The following TRMO variants were observed in gnomAD, a reference collection of about 807,000 sequenced individuals.
TRMO encodes the protein tRNA methyltransferase O.
In TRMO, 30 loss-of-function variants were observed where a neutral mutation model predicts 37.2. The ratio of observed to expected loss-of-function variants is 0.81; its 90% CI spans 0.60 to 1.09. The LOEUF is 1.09. Ranked by LOEUF, TRMO falls within the 50% of genes least tolerant of loss-of-function variation. The pLI, the probability that TRMO is intolerant of heterozygous loss-of-function variation, is 0.00. For missense variants in TRMO, 552 were observed against 549.5 expected (o/e 1.00, Z -0.05); for synonymous variants, 239 against 199.4 (o/e 1.20, Z -1.67).
chr9:97,903,338 C>CA (rs1372526829), downstream of TRMO, among the ~76,000 whole-genome samples: 10 of 152,026 alleles, frequency 6.6e-5, no homozygotes, highest in African/African-American at 2.4e-4. Flanking sequence ...ACATCAAAGG[C>CA]AATTACAAAT....
rs1263210895 is a variant in TRMO, at chr9:97,904,827, C to T, written c.1232G>A (p.Gly411Asp). ...VDIAHVTCWFGDGFAEVLRIK... is the reference protein window; with the variant it reads ...VDIAHVTCWFDDGFAEVLRIK... ...CCTCAGCACCTCTGCAAAGCCATCA[C>T]CAAACCAGCAAGTGACATGCGCTAT... Residue 411 changes from glycine (G) to aspartate (D), a missense_variant, in exon 5 of 5, where the codon GGT becomes GAT. Transcript: ENST00000375119. The T allele has an allele frequency of 5.6e-6, 9 of 1,614,198 alleles. No homozygotes were observed. The highest frequency in any genetic ancestry group is 2.7e-5 in the African/African-American group (2 of 75,040).
At chr9:97,914,987 A>G (rs912222402) in intron 2 of TRMO, among the ~76,000 whole-genome samples, 2 of 152,212 alleles carry the variant, frequency 1.3e-5, no homozygotes, top group African/African-American at 4.8e-5. Flanking sequence ...TAACTTAAAT[A>G]ATTCAATCAG....
the TRMO span, among the ~76,000 whole-genome samples, chr9:97,897,772 T>C: frequency 7.9e-5 from 12 of 152,232 alleles, no homozygotes; most frequent in African/African-American, 1.2e-4. Flanking sequence ...GAGTTAGATA[T>C]ATTAGCAAAG....
chr9:97,916,314 C>A lies in TRMO; in HGVS notation c.101G>T (p.Gly34Val). 6.2e-7 allele frequency: 1 copy of A among 1,612,324 alleles called. No homozygotes were observed. The highest frequency in any genetic ancestry group is 8.5e-7 in the Non-Finnish European group (1 of 1,179,290). Residue 34 changes from glycine (G) to valine (V), a missense_variant, in exon 2 of 5, where the codon GGC (glycine) becomes GTC (valine). By Grantham distance (109) the Gly-to-Val change is moderately radical (BLOSUM62 -3). Transcript: ENST00000375119. The part of the protein sequence containing the change: ...ETGNLLTEPV[G>V]YLESCFSAKN... ...GGCCGAGAAACAAGATTCCAAGTAG[C>A]CGACTGGCTCAGTTAAAAGATTCCC...
chr9:97,920,081 T>C (rs1160474112), intron 1 of TRMO, among the ~76,000 whole-genome samples: 1 of 152,256 alleles, frequency 6.6e-6, no homozygotes, highest in African/African-American at 2.4e-5. Context: ...AGGGGAATTC[T>C]GGTCTTCTTC....
chr9:97,899,517 CA>C (rs1831120317), downstream of TRMO, among the ~76,000 whole-genome samples: 1 of 152,012 alleles, frequency 6.6e-6, no homozygotes, highest in Non-Finnish European at 1.5e-5. Flanking sequence ...CAGCTCACTG[CA>C]ACCTCCATCT....
At chr9:97,905,729 A>G (rs778702060) in intron 4 of TRMO, among the ~76,000 whole-genome samples, 1 of 152,194 alleles carries the variant, frequency 6.6e-6, no homozygotes, top group Non-Finnish European at 1.5e-5. Flanking sequence ...TCAAAATATC[A>G]TCTGTGGTGG....
the TRMO span, among the ~76,000 whole-genome samples, chr9:97,898,981 A>G: frequency 2.6e-5 from 4 of 151,046 alleles, no homozygotes; most frequent in Non-Finnish European, 5.9e-5. Context: ...CTGGGACTAC[A>G]GGCGCCTGTC....
intron 4 of TRMO, 81 bp from the exon 5 acceptor site, chr9:97,905,073 G>A: frequency 1.4e-6 from 2 of 1,475,890 alleles, no homozygotes; most frequent in South Asian, 1.2e-5. Flanking sequence ...ATGGAATCTG[G>A]TTGGTTCCTT....
chr9:97,909,114 C>T (rs896111865), intron 4 of TRMO, among the ~76,000 whole-genome samples: 3 of 152,140 alleles, frequency 2.0e-5, no homozygotes, highest in African/African-American at 7.2e-5. Flanking sequence ...GCCACCAAAA[C>T]TGGCTTTTTG....
chr9:97,917,756 G>A (rs1425963868), intron 1 of TRMO, among the ~76,000 whole-genome samples: 1 of 151,898 alleles, frequency 6.6e-6, no homozygotes, highest in Non-Finnish European at 1.5e-5. Flanking sequence ...TCGGCTCACT[G>A]CAATCTCCAC....
chr9:97,921,081 A>G (rs1826606978), intron 1 of TRMO, among the ~76,000 whole-genome samples: 1 of 152,094 alleles, frequency 6.6e-6, no homozygotes, highest in African/African-American at 2.4e-5. Context: ...GTGTGCAACA[A>G]TTTTTTTTAA....
chr9:97,909,924 TTCA>T, intron 4 of TRMO, 33 bp downstream of exon 4: 2 of 1,452,164 alleles, frequency 1.4e-6, no homozygotes, highest in African/African-American at 1.4e-5. Flanking sequence ...AAAGTAAAAG[TTCA>T]TCTCTCATTC....
intron 1 of TRMO, among the ~76,000 whole-genome samples, chr9:97,921,271 T>A (rs1024140869): frequency 1.3e-5 from 2 of 152,186 alleles, no homozygotes; most frequent in East Asian, 1.9e-4. Context: ...AAACAAAGCG[T>A]TAGGCTGGTT....
At chr9:97,907,788 T>C (rs1189599237) in intron 4 of TRMO, among the ~76,000 whole-genome samples, 2 of 152,080 alleles carry the variant, frequency 1.3e-5, no homozygotes, top group Admixed American at 1.3e-4. Context: ...TGACCTCATA[T>C]CCTTCCGCTC....
intron 1 of TRMO, among the ~76,000 whole-genome samples, chr9:97,918,267 T>C (rs1466980105): frequency 1.3e-5 from 2 of 150,812 alleles, no homozygotes; most frequent in Non-Finnish European, 3.0e-5. Context: ...GGTGCATGCC[T>C]GGAGTCCCAG....
Position 97,910,071 on chromosome 9 carries a change from C to T in TRMO, c.955G>A (p.Gly319Arg), listed in dbSNP as rs1465904601. ...GCAGGAACCACGCTGCGGGGAGCTC[C>T]ATCAGCCCTTCCAGCAGGGCAGTGA... ...APHCPAGRADGAPRSVVPAWV... is the reference protein window; with the variant it reads ...APHCPAGRADRAPRSVVPAWV... The change falls in exon 4 of 5, where the codon GGA becomes AGA. Residue 319 changes from glycine to arginine, a missense_variant. Physicochemically the swap from Gly to Arg is moderately radical, Grantham distance 125. Coordinates refer to ENST00000375119, the MANE Select transcript of TRMO (RefSeq NM_016481.5). The T allele has an allele frequency of 1.2e-6, 2 of 1,613,672 alleles. No individual in the cohort carries two copies. The highest frequency in any genetic ancestry group is 1.7e-6 in the Non-Finnish European group (2 of 1,179,722).
chr9:97,896,887 T>TGG, the TRMO span, among the ~76,000 whole-genome samples: 8 of 152,340 alleles, frequency 5.3e-5, no homozygotes, highest in East Asian at 1.5e-3. Context: ...TTCCTCATGT[T>TGG]CCACATATAA....
intron 2 of TRMO, 52 bp from the exon 3 acceptor site, chr9:97,913,610 A>G: frequency 1.6e-6 from 2 of 1,236,230 alleles, no homozygotes; most frequent in Non-Finnish European, 2.3e-6. Flanking sequence ...AGCACAAGTT[A>G]TTTTACCACA....
Sources: gnomAD v4.1 joint callset for allele counts (sites outside exome capture counted in the v4.1 genomes callset) on GRCh38, gnomAD v4.1.1 for gene constraint, MANE v1.5 for transcripts, NCBI Gene and HGNC (gene_info 2026-07-23, HGNC 2026-07-21) for gene names.